The following SMG6 variants were observed in gnomAD, a reference collection of about 807,000 sequenced individuals.
SMG6 encodes the protein SMG6 nonsense mediated mRNA decay factor, also known as telomerase-binding protein EST1A.
Under a neutral mutation model 142.2 loss-of-function variants are expected in SMG6, and 66 were observed. That is an observed-to-expected ratio of 0.46 (90% confidence interval 0.38 to 0.57). The LOEUF is 0.57. Among genes scored for constraint, SMG6 ranks in the 20% least tolerant of loss-of-function variants. The pLI is 0.00. For missense variants in SMG6, 1,793 were observed against 1,832.0 expected (o/e 0.98, Z 0.39); for synonymous variants, 779 against 702.4 (o/e 1.11, Z -1.72).
chr17:2,146,033 C>T (rs780257789), intron 13 of SMG6, among the ~76,000 whole-genome samples: 3 of 151,976 alleles, frequency 2.0e-5, no homozygotes, highest in Non-Finnish European at 2.9e-5. Context: ...AAATATTTCT[C>T]TTTGTTGAAA....
chr17:2,231,314 G>GTAGC (rs1415227191), intron 10 of SMG6, among the ~76,000 whole-genome samples: 2 of 152,136 alleles, frequency 1.3e-5, no homozygotes, highest in African/African-American at 4.8e-5. Flanking sequence ...ACAGACAGCT[G>GTAGC]TAGCTAGCTA....
chr17:2,257,054 C>T (rs542704687), intron 8 of SMG6, among the ~76,000 whole-genome samples: 7 of 151,154 alleles, frequency 4.6e-5, no homozygotes, highest in Non-Finnish European at 1.0e-4. Context: ...TGGCTCACTG[C>T]AACCTCCACC....
chr17:2,171,604 G>A (rs1401252234), intron 13 of SMG6, among the ~76,000 whole-genome samples: 1 of 151,960 alleles, frequency 6.6e-6, no homozygotes, highest in East Asian at 1.9e-4. Flanking sequence ...AAACTCCTGG[G>A]CTCAAGCGAT....
intron 13 of SMG6, among the ~76,000 whole-genome samples, chr17:2,112,038 A>G (rs780617449): frequency 7.2e-5 from 11 of 152,098 alleles, no homozygotes; most frequent in Non-Finnish European, 1.2e-4. Flanking sequence ...TCTGCCTGTT[A>G]TTTAAATTTC....
At chr17:2,091,184 C>A (rs2068705518) in intron 13 of SMG6, among the ~76,000 whole-genome samples, 1 of 152,172 alleles carries the variant, frequency 6.6e-6, no homozygotes, top group Admixed American at 6.6e-5. Flanking sequence ...AAGGGGTCTG[C>A]CAATGGAAGT....
At chr17:2,239,383 C>G in intron 9 of SMG6, among the ~76,000 whole-genome samples, 1 of 152,098 alleles carries the variant, frequency 6.6e-6, no homozygotes, top group East Asian at 1.9e-4. Context: ...ACAGAGAAAA[C>G]ATACAAAAAG....
At chr17:2,158,445 G>T (rs2071073851) in intron 13 of SMG6, among the ~76,000 whole-genome samples, 1 of 152,082 alleles carries the variant, frequency 6.6e-6, no homozygotes, top group Non-Finnish European at 1.5e-5. Context: ...TGGTAGTTAA[G>T]AAACACTTGA....
chr17:2,168,892 G>A (rs567780752), intron 13 of SMG6, among the ~76,000 whole-genome samples: 3 of 151,552 alleles, frequency 2.0e-5, no homozygotes, highest in Admixed American at 6.6e-5. Context: ...GGGATTACAC[G>A]GCCCGCCACC....
Position 2,112,380 on chromosome 17 carries a change from C to A in SMG6, c.3358-26479G>T, listed in dbSNP as rs532350925. 2.6e-5 allele frequency among the ~76,000 whole-genome samples: 4 copies of A among 151,102 alleles called. No individual in the cohort carries two copies. In the South Asian group the frequency reaches 6.3e-4, roughly 24 times the overall value. On this transcript the variant is annotated intron_variant, in intron 13 of 18. Coordinates refer to ENST00000263073, the MANE Select transcript of SMG6 (RefSeq NM_017575.5). ...AAAATTAGCCAGGCGTCGTGGCGGG[C>A]GTCTGGAGTCCCAGCTACTCGGGAG...
intron 8 of SMG6, among the ~76,000 whole-genome samples, chr17:2,279,419 G>C (rs965964341): frequency 6.6e-6 from 1 of 152,174 alleles, no homozygotes; most frequent in Non-Finnish European, 1.5e-5. Context: ...GATTGTAAGA[G>C]CACACAGAAA....
In SMG6 at chr17:2,085,743, T is replaced by G. The variant is rs760455462; in HGVS notation, c.3516A>C (p.Gly1172=). 2 of 1,613,900 alleles carry G rather than the reference T, an allele frequency of 1.2e-6. No homozygotes were observed. Among genetic ancestry groups the G allele is most frequent in the Non-Finnish European group, 1.7e-6 (2 of 1,179,932 alleles). Residue 1172 remains glycine, a synonymous_variant, in exon 14 of 19, where the codon GGA becomes GGC. Transcript: ENST00000263073. This position sits in a 1 kb window ranked among gnomAD's most constrained non-coding sequence, Gnocchi z 4.1. ...ATAGTACCTCATCTTCCAGTCGTGT[T>G]CCCTCTTGGCTTCCCATTTCCTTTC... The part of the protein sequence containing the change: ...TMGKEMGSQE[G]TRLEDEEEDV...
intron 13 of SMG6, among the ~76,000 whole-genome samples, chr17:2,171,019 A>G (rs1167928243): frequency 6.6e-6 from 1 of 152,194 alleles, no homozygotes; most frequent in Non-Finnish European, 1.5e-5. Flanking sequence ...GCAGACCTAT[A>G]ATCCCAGCAC....
intron 9 of SMG6, among the ~76,000 whole-genome samples, chr17:2,238,532 G>A (rs1430576159): frequency 2.0e-5 from 3 of 152,174 alleles, no homozygotes. Context: ...AGGTGGGGAG[G>A]GGGCTAGCAC....
chr17:2,165,186 A>G (rs1317408180), intron 13 of SMG6, among the ~76,000 whole-genome samples: 1 of 152,158 alleles, frequency 6.6e-6, no homozygotes, highest in African/African-American at 2.4e-5. Context: ...AAATTCCCAT[A>G]CTAAATGGAA....
chr17:2,142,226 G>C (rs1245001568), intron 13 of SMG6, among the ~76,000 whole-genome samples: 1 of 152,140 alleles, frequency 6.6e-6, no homozygotes, highest in Non-Finnish European at 1.5e-5. Context: ...AAATAAACCA[G>C]ATTAATTGGA....
Position 2,300,529 on chromosome 17 carries a change from T to A in SMG6, c.224A>T (p.Lys75Ile), listed in dbSNP as rs746437973. ...ATCTCGGTCATTAACAATTTCATCT[T>A]TGAATTCCTCACTCCCAGGGGGTTC... Reference protein sequence around the residue: ...IKEPPGSEEFKDEIVNDRDCS... With the variant: ...IKEPPGSEEFIDEIVNDRDCS... The change falls in exon 2 of 19, where the codon AAA becomes ATA. Residue 75 changes from lysine to isoleucine, a missense_variant. Physicochemically the swap from Lys to Ile is moderately radical, Grantham distance 102. Coordinates refer to ENST00000263073, the MANE Select transcript of SMG6 (RefSeq NM_017575.5). The A allele has an allele frequency of 6.2e-7, 1 of 1,614,148 alleles. No homozygotes were observed. The highest frequency in any genetic ancestry group is 1.7e-5 in the Admixed American group (1 of 60,014).
Position 2,188,506 on chromosome 17 carries a change from G to T in SMG6, c.2879C>A (p.Ser960Ter), listed in dbSNP as rs1394377660. 2 of 1,613,818 alleles carry T rather than the reference G, an allele frequency of 1.2e-6. No individual in the cohort carries two copies. Among genetic ancestry groups the T allele is most frequent in the South Asian group, 1.1e-5 (1 of 91,060 alleles). Residue 960 changes from serine (S) to a stop codon, truncating the protein, a stop_gained, in exon 11 of 19, where the codon TCG becomes TAG. Transcript: ENST00000263073. LOFTEE classifies it high-confidence loss of function. Reference sequence around the variant, plus strand: ...CTGGATCACAGAGCGGCACTCCTCCGAGAAGCAGTCTGCGGACAGGCAAAT... The same window carrying T: ...CTGGATCACAGAGCGGCACTCCTCCTAGAAGCAGTCTGCGGACAGGCAAAT... ...VHNSQLKDCF[S>*]EECRSVIQEQ...
intron 13 of SMG6, among the ~76,000 whole-genome samples, chr17:2,093,485 T>C (rs1200188022): frequency 1.3e-5 from 2 of 152,016 alleles, no homozygotes; most frequent in African/African-American, 2.4e-5. Context: ...CTGGGCCCAG[T>C]AGGTGCTCGA....
chr17:2,252,255 C>T (rs1025455942), intron 8 of SMG6, among the ~76,000 whole-genome samples: 2 of 152,008 alleles, frequency 1.3e-5, no homozygotes, highest in Non-Finnish European at 2.9e-5. Flanking sequence ...ACTAAAAATA[C>T]AAAAATTAGC....
Sources: gnomAD v4.1 joint callset for allele counts (sites outside exome capture counted in the v4.1 genomes callset) on GRCh38, gnomAD v4.1.1 for gene constraint, Gnocchi (gnomAD v3.1) non-coding constraint, MANE v1.5 for transcripts, NCBI Gene and HGNC (gene_info 2026-07-23, HGNC 2026-07-21) for gene names.